TCERG1L: variants seen among roughly 807,000 people sequenced by gnomAD.
The protein encoded by TCERG1L is transcription elongation regulator 1 like, also known as transcription elongation regulator 1-like protein.
TCERG1L carries 37 observed loss-of-function variants against 56.3 expected under a neutral mutation model. The observed-to-expected ratio is 0.66, with a 90% CI of 0.51 to 0.87. The LOEUF is 0.87. Ranked by LOEUF, TCERG1L falls within the 40% of genes least tolerant of loss-of-function variation. The probability of loss-of-function intolerance (pLI) is 0.00; values close to 1 mark genes in which losing one functional copy is unlikely to be tolerated. For synonymous variants in TCERG1L, 324 were observed against 326.3 expected (o/e 0.99, Z 0.08); for missense variants, 799 against 774.2 (o/e 1.03, Z -0.38).
intron 4 of TCERG1L, among the ~76,000 whole-genome samples, chr10:131,186,364 A>C (rs1589741262): frequency 6.6e-6 from 1 of 152,164 alleles, no homozygotes; most frequent in South Asian, 2.1e-4. Context: ...TGGTATGTGA[A>C]TTTCATCTCA....
intron 4 of TCERG1L, among the ~76,000 whole-genome samples, chr10:131,174,553 A>G (rs991737922): frequency 6.6e-6 from 1 of 152,194 alleles, no homozygotes; most frequent in Non-Finnish European, 1.5e-5. Flanking sequence ...GTTCCCCAGC[A>G]AAGCCTGGTT....
rs1256405513 is a variant in TCERG1L, at chr10:131,118,268, A to C, written c.1260-1334T>G. Among the ~76,000 whole-genome samples, 4 of 152,196 alleles carry C rather than the reference A, an allele frequency of 2.6e-5. No individual in the cohort carries two copies. Among genetic ancestry groups the C allele is most frequent in the Non-Finnish European group, 5.9e-5 (4 of 68,038 alleles). On this transcript the variant is annotated intron_variant, in intron 8 of 11. Transcript: ENST00000368642. The surrounding 1 kb of genome is among the most constrained non-coding windows in gnomAD (Gnocchi z 4.2). ...CTCCCTAAGTGCTCGGAGATGTAGG[A>C]ATGGCATGTACATCTAAAGGCATGG...
chr10:131,153,401 G>A (rs988802692), intron 6 of TCERG1L, among the ~76,000 whole-genome samples: 4 of 152,224 alleles, frequency 2.6e-5, no homozygotes, highest in Non-Finnish European at 5.9e-5. Flanking sequence ...TAAGCCCCGC[G>A]TGCTCATTCC....
At chr10:131,221,918 T>C (rs1348756032) in intron 4 of TCERG1L, among the ~76,000 whole-genome samples, 3 of 152,182 alleles carry the variant, frequency 2.0e-5, no homozygotes, top group Non-Finnish European at 4.4e-5. Flanking sequence ...CCTCCGAACC[T>C]CTAGGTGATG....
chr10:131,310,134 T>C (rs775496257), intron 1 of TCERG1L, among the ~76,000 whole-genome samples: 5 of 152,198 alleles, frequency 3.3e-5, no homozygotes, highest in African/African-American at 4.8e-5. Context: ...ATTTAAAAGA[T>C]TAATGCTAAG....
At chr10:131,174,590 A>G (rs1846128061) in intron 4 of TCERG1L, among the ~76,000 whole-genome samples, 1 of 152,024 alleles carries the variant, frequency 6.6e-6, no homozygotes, top group Non-Finnish European at 1.5e-5. Flanking sequence ...ACCTCGTTGA[A>G]CTCCACTATA....
At position 131,093,068 on chromosome 10, in the gene TCERG1L, G is replaced by T. The variant is rs150006222; in HGVS notation, c.*94C>A. The T allele has an allele frequency of 7.0e-7, 1 of 1,428,998 alleles. No individual in the cohort carries two copies. The highest frequency in any genetic ancestry group is 1.3e-5 in the South Asian group (1 of 74,772). The allele number at this position is 1,428,998 out of a possible 1,614,324, so 88.5% of individuals were successfully genotyped here. On this transcript the variant is annotated 3_prime_UTR_variant, in exon 12 of 12. Transcript: ENST00000368642. ...GTGCCCGCTGGGCCGTGCAGGTCTCGGCCGCCCCACGCCCGTGTCCGTCTC... is the reference window on the plus strand; with the variant it reads ...GTGCCCGCTGGGCCGTGCAGGTCTCTGCCGCCCCACGCCCGTGTCCGTCTC...
chr10:131,302,783 C>A (rs988177431), intron 3 of TCERG1L, among the ~76,000 whole-genome samples: 10 of 151,868 alleles, frequency 6.6e-5, no homozygotes, highest in Non-Finnish European at 1.5e-4. Flanking sequence ...TCCTAGCCCC[C>A]CACCCCGCAA....
At chr10:131,245,331 T>C (rs1846019602) in intron 4 of TCERG1L, among the ~76,000 whole-genome samples, 1 of 152,234 alleles carries the variant, frequency 6.6e-6, no homozygotes, top group African/African-American at 2.4e-5. Flanking sequence ...CTCTTTGGGG[T>C]TCTCTGAGTT....
chr10:131,269,251 A>G (rs907120710), intron 3 of TCERG1L, among the ~76,000 whole-genome samples: 3 of 152,094 alleles, frequency 2.0e-5, no homozygotes, highest in African/African-American at 7.2e-5. Flanking sequence ...CAGTGGCATG[A>G]TCTCGGCTCA....
rs529166455 is a variant in TCERG1L at position 131,243,857 on chromosome 10, C to T, written c.856+16402G>A. Among the ~76,000 whole-genome samples, 389 of 152,298 alleles carry T rather than the reference C, an allele frequency of 2.6e-3. 1 individual carries two copies. The highest frequency in any genetic ancestry group is 4.5e-3 in the Non-Finnish European group (308 of 68,028). On this transcript the variant is annotated intron_variant, in intron 4 of 11. Coordinates refer to ENST00000368642, the MANE Select transcript of TCERG1L (RefSeq NM_174937.4). The stretch of plus-strand genomic sequence containing the variant: ...AAAATAACAAAATCATGAGATAGGT[C>T]GCTGAGAAAAGCCCAAGAACTGTCC...
At chr10:131,292,329 T>A (rs1463682140) in intron 3 of TCERG1L, among the ~76,000 whole-genome samples, 1 of 152,238 alleles carries the variant, frequency 6.6e-6, no homozygotes, top group Non-Finnish European at 1.5e-5. Context: ...TTGTTTTTCT[T>A]ATAAACACAC....
chr10:131,135,465 TA>T (rs1196632750), intron 7 of TCERG1L, among the ~76,000 whole-genome samples: 1 of 152,156 alleles, frequency 6.6e-6, no homozygotes, highest in Non-Finnish European at 1.5e-5. Context: ...TTTCTTTCTA[TA>T]AAACCCGACA....
chr10:131,092,641 G>A lies in TCERG1L; in HGVS notation c.*521C>T, dbSNP rs2080622392. 6.5e-6 allele frequency: 1 copy of A among 152,862 alleles called. No homozygotes were observed. Among genetic ancestry groups the A allele is most frequent in the Non-Finnish European group, 1.5e-5 (1 of 68,262 alleles). 9.5% of individuals were successfully genotyped at this position (152,862 alleles called of 1,614,324 possible). A position where few individuals can be genotyped will look rare whatever the true frequency, so the allele number is the denominator to read the frequency against. On this transcript the variant is annotated 3_prime_UTR_variant, in exon 12 of 12. Transcript: ENST00000368642. ...AACCTGTAAGTGATCCACGGTCCAG[G>A]TGTGGAATGCTCACAGTTGTCACTA...
At chr10:131,213,307 G>A (rs982975081) in intron 4 of TCERG1L, among the ~76,000 whole-genome samples, 3 of 152,214 alleles carry the variant, frequency 2.0e-5, no homozygotes, top group South Asian at 2.1e-4. Context: ...AGGCTCACCC[G>A]TGAACGTGGG....
chr10:131,166,071 A>G (rs989664808), intron 5 of TCERG1L, among the ~76,000 whole-genome samples: 2 of 152,248 alleles, frequency 1.3e-5, no homozygotes, highest in African/African-American at 4.8e-5. Context: ...GAACACCTGC[A>G]CTGATGATTC....
At chr10:131,174,074 G>C (rs973795370) in intron 4 of TCERG1L, among the ~76,000 whole-genome samples, 83 of 152,194 alleles carry the variant, frequency 5.5e-4, no homozygotes, top group African/African-American at 2.0e-3. Flanking sequence ...GGAAGAGCCA[G>C]GGTCCTCTGG....
intron 10 of TCERG1L, among the ~76,000 whole-genome samples, chr10:131,100,030 A>AT (rs541475308): frequency 8.6e-5 from 13 of 151,578 alleles, no homozygotes; most frequent in Non-Finnish European, 1.9e-4. Context: ...CGCCCAGCTA[A>AT]TTTTTTTTGT....
At chr10:131,151,576 C>T (rs1050766296) in intron 6 of TCERG1L, among the ~76,000 whole-genome samples, 7 of 152,182 alleles carry the variant, frequency 4.6e-5, no homozygotes, top group African/African-American at 1.2e-4. Flanking sequence ...GTTGCTTTCA[C>T]GGGCTGTTGT....
Sources: allele counts gnomAD v4.1 joint callset (sites outside exome capture counted in the v4.1 genomes callset), GRCh38; gene constraint gnomAD v4.1.1; non-coding constraint Gnocchi (gnomAD v3.1); transcripts MANE v1.5; gene names NCBI Gene and HGNC (gene_info 2026-07-23, HGNC 2026-07-21).